The following RASEF variants were observed in gnomAD, a reference collection of about 807,000 sequenced individuals.
RASEF encodes ras and EF-hand domain-containing protein.
A neutral mutation model predicts 90.1 loss-of-function variants in RASEF; 68 were observed. The observed-to-expected ratio is 0.75, with a 90% CI of 0.62 to 0.92. The LOEUF is 0.92. Ranked by LOEUF, RASEF falls within the 40% of genes least tolerant of loss-of-function variation. RASEF has a pLI of 0.00. For missense variants in RASEF, 949 were observed against 937.2 expected (o/e 1.01, Z -0.16); for synonymous variants, 331 against 345.2 (o/e 0.96, Z 0.46).
At chr9:83,090,392 G>C in the RASEF span, among the ~76,000 whole-genome samples, 21 of 151,354 alleles carry the variant, frequency 1.4e-4, no homozygotes, top group African/African-American at 5.1e-4. Context: ...TTTCCCCTGT[G>C]TGTGTATGAG....
At chr9:83,047,095 A>C (rs1162119479) in intron 1 of RASEF, among the ~76,000 whole-genome samples, 5 of 152,158 alleles carry the variant, frequency 3.3e-5, no homozygotes, top group Admixed American at 3.3e-4. Flanking sequence ...TAAAAATTGA[A>C]ATTGAAGATA....
At chr9:82,999,176 G>T (rs776148397) in intron 12 of RASEF, among the ~76,000 whole-genome samples, 5 of 146,670 alleles carry the variant, frequency 3.4e-5, no homozygotes, top group Non-Finnish European at 7.5e-5. Flanking sequence ...AAAAATAAAT[G>T]ATAATTTGCA....
chr9:83,000,278 T>C lies in RASEF; in HGVS notation c.1614A>G (p.Ser538=). Residue 538 remains serine, a synonymous_variant, in exon 12 of 17, where the codon TCA becomes TCG. Transcript: ENST00000376447. The stretch of plus-strand genomic sequence containing the variant: ...CAAGTACAATCTTGTAAGCCTTCTG[T>C]GAGCTAAAAGATTTAGCGTTGTCAT... ...LVDDNAKSFS[S]QKAYKIVLAG... is the part of the protein sequence containing the mutation. 6.2e-7 allele frequency: 1 copy of C among 1,614,066 alleles called. No homozygotes were observed. Among genetic ancestry groups the C allele is most frequent in the South Asian group, 1.1e-5 (1 of 91,076 alleles).
the RASEF span, among the ~76,000 whole-genome samples, chr9:83,154,624 G>T: frequency 6.6e-6 from 1 of 152,152 alleles, no homozygotes; most frequent in African/African-American, 2.4e-5. Flanking sequence ...AGCACAAAGA[G>T]TCAGAGCATG....
intron 9 of RASEF, among the ~76,000 whole-genome samples, chr9:83,002,546 C>T (rs914338811): frequency 6.7e-6 from 1 of 150,374 alleles, no homozygotes; most frequent in Middle Eastern, 3.2e-3. Flanking sequence ...CTATTAATAA[C>T]AATAACAATG....
the RASEF span, among the ~76,000 whole-genome samples, chr9:83,121,786 A>G: frequency 6.6e-6 from 1 of 151,906 alleles, no homozygotes; most frequent in South Asian, 2.1e-4. Context: ...AAAAGAAAAG[A>G]CCTCACTATT....
intron 1 of RASEF, among the ~76,000 whole-genome samples, chr9:83,036,810 A>G (rs73469475): frequency 0.029 from 4,437 of 152,282 alleles, 198 homozygotes; most frequent in African/African-American, 0.1. Flanking sequence ...CAATTGTACT[A>G]CACCAAAGCA....
chr9:83,112,802 C>T, the RASEF span, among the ~76,000 whole-genome samples: 1 of 151,624 alleles, frequency 6.6e-6, no homozygotes, highest in Non-Finnish European at 1.5e-5. Context: ...AAACTCTATA[C>T]TTGGGATGCT....
chr9:83,044,030 C>T (rs1176558884), intron 1 of RASEF, among the ~76,000 whole-genome samples: 1 of 152,170 alleles, frequency 6.6e-6, no homozygotes, highest in East Asian at 1.9e-4. Context: ...ATACTTCTGG[C>T]TTCCCTGTGC....
At chr9:82,990,044 C>T (rs527360864) in intron 16 of RASEF, among the ~76,000 whole-genome samples, 43 of 152,184 alleles carry the variant, frequency 2.8e-4, no homozygotes, top group Admixed American at 1.4e-3. Flanking sequence ...CCCTTTTGCC[C>T]GGGAAAATAT....
At chr9:83,130,234 T>C in the RASEF span, among the ~76,000 whole-genome samples, 1 of 152,242 alleles carries the variant, frequency 6.6e-6, no homozygotes, top group African/African-American at 2.4e-5. Flanking sequence ...TCTATCCTTG[T>C]GTAATTTTTT....
At chr9:83,119,392 A>G in the RASEF span, among the ~76,000 whole-genome samples, 1 of 152,136 alleles carries the variant, frequency 6.6e-6, no homozygotes, top group African/African-American at 2.4e-5. Flanking sequence ...TCCTTGCTTT[A>G]AAACATCCTA....
the RASEF span, among the ~76,000 whole-genome samples, chr9:83,144,387 G>GA: frequency 0.017 from 364 of 21,888 alleles, 22 homozygotes; most frequent in African/African-American, 0.083. Flanking sequence ...AAGAAAGAAA[G>GA]AAAGGAAAGA....
At chr9:83,190,150 C>T in the RASEF span, among the ~76,000 whole-genome samples, 4 of 152,288 alleles carry the variant, frequency 2.6e-5, no homozygotes, top group South Asian at 8.3e-4. Context: ...CCCCACAATA[C>T]TGTAATTAGC....
chr9:82,985,119 T>C (rs73651022), intron 16 of RASEF, among the ~76,000 whole-genome samples: 412 of 152,196 alleles, frequency 2.7e-3, no homozygotes, highest in African/African-American at 9.0e-3. Flanking sequence ...GAAAAAGAGA[T>C]AGAAATTCAA....
chr9:83,012,806 C>T (rs1829272020), intron 4 of RASEF, among the ~76,000 whole-genome samples: 1 of 152,128 alleles, frequency 6.6e-6, no homozygotes, highest in African/African-American at 2.4e-5. Context: ...TTGCTTTTTT[C>T]AGTTATGCTA....
the RASEF span, among the ~76,000 whole-genome samples, chr9:83,147,040 G>GTGTA: frequency 3.7e-3 from 531 of 143,718 alleles, 3 homozygotes; most frequent in African/African-American, 9.7e-3. Flanking sequence ...ATATATATAT[G>GTGTA]TATATATATA....
chr9:83,059,780 C>A (rs1000914965), intron 1 of RASEF, among the ~76,000 whole-genome samples: 1 of 152,158 alleles, frequency 6.6e-6, no homozygotes, highest in African/African-American at 2.4e-5. Flanking sequence ...CCTGACCTTG[C>A]AGACCCTTCA....
the RASEF span, among the ~76,000 whole-genome samples, chr9:83,163,654 T>G: frequency 6.6e-6 from 1 of 152,060 alleles, no homozygotes; most frequent in East Asian, 1.9e-4. Flanking sequence ...TCTCAATCAA[T>G]GCTTCCAAAA....
Sources: gnomAD v4.1 joint callset for allele counts (sites outside exome capture counted in the v4.1 genomes callset) on GRCh38, gnomAD v4.1.1 for gene constraint, MANE v1.5 for transcripts, NCBI Gene and HGNC (gene_info 2026-07-23, HGNC 2026-07-21) for gene names.